ARID1A: variants seen among roughly 807,000 people sequenced by gnomAD.
ARID1A encodes AT-rich interactive domain-containing protein 1A.
In ARID1A, 20 loss-of-function variants were observed where a neutral mutation model predicts 212.6. That is an observed-to-expected ratio of 0.09 (90% CI 0.07 to 0.14). The LOEUF (loss-of-function observed/expected upper bound fraction) is 0.14, where lower values mean the gene tolerates loss of function less well. ARID1A is among the 10% of genes least tolerant of loss of function. ARID1A has a pLI of 1.00. For missense variants in ARID1A, 2,587 were observed against 3,059.0 expected (o/e 0.85, Z 3.64); for synonymous variants, 1,376 against 1,222.1 (o/e 1.13, Z -2.63).
chr1:26,711,925 C>T (rs998607777), intron 1 of ARID1A, among the ~76,000 whole-genome samples: 1 of 151,138 alleles, frequency 6.6e-6, no homozygotes, highest in Admixed American at 6.6e-5. Context: ...TCTACAAAAA[C>T]AAAAAAATCA....
intron 1 of ARID1A, among the ~76,000 whole-genome samples, chr1:26,726,095 T>G (rs2080614883): frequency 1.3e-5 from 2 of 152,028 alleles, no homozygotes; most frequent in Non-Finnish European, 2.9e-5. Context: ...CCTCAAGTGA[T>G]TCACCTGCCT....
At chr1:26,747,820 A>G (rs1397521653) in intron 4 of ARID1A, among the ~76,000 whole-genome samples, 2 of 152,176 alleles carry the variant, frequency 1.3e-5, no homozygotes, top group Admixed American at 6.5e-5. Flanking sequence ...ACTGCACTCC[A>G]GCCTGGGTGA....
At chr1:26,754,231 T>C (rs2080909196) in intron 4 of ARID1A, among the ~76,000 whole-genome samples, 1 of 152,184 alleles carries the variant, frequency 6.6e-6, no homozygotes, top group African/African-American at 2.4e-5. Flanking sequence ...AACTGGCTTT[T>C]TGTAGAGTAG....
At chr1:26,757,648 A>ATAAC (rs901236934) in intron 4 of ARID1A, among the ~76,000 whole-genome samples, 10 of 152,104 alleles carry the variant, frequency 6.6e-5, no homozygotes, top group African/African-American at 2.2e-4. Context: ...TTTTACTTGT[A>ATAAC]TAAAGACAAA....
chr1:26,755,044 G>T (rs2124031922), intron 4 of ARID1A, among the ~76,000 whole-genome samples: 1 of 152,292 alleles, frequency 6.6e-6, no homozygotes, highest in Non-Finnish European at 1.5e-5. Flanking sequence ...AGGAGACAGA[G>T]GTTGCAGTGA....
At position 26,773,843 on chromosome 1, in the gene ARID1A, C is replaced by T; in HGVS notation, c.4046C>T (p.Pro1349Leu). 1.2e-6 allele frequency: 2 copies of T among 1,614,224 alleles called. No individual in the cohort carries two copies. The highest frequency in any genetic ancestry group is 2.2e-5 in the South Asian group (2 of 91,084). Residue 1349 changes from proline to leucine, a missense_variant, in exon 17 of 20, where the codon CCT becomes CTT. This residue lies in a region of ARID1A where 890 missense variants were observed against 1,098.2 expected (regional missense o/e 0.81). Transcript: ENST00000324856. ...AATCAGTTCTCCACCCAAGGCACCC[C>T]TTCTGGCAGCCCCTTCCCCAGCCAG... ...YGNQFSTQGT[P>L]SGSPFPSQQT...
intron 1 of ARID1A, among the ~76,000 whole-genome samples, chr1:26,712,592 G>C (rs1184272900): frequency 6.6e-6 from 1 of 152,186 alleles, no homozygotes; most frequent in Admixed American, 6.5e-5. Flanking sequence ...TTGAGAGGCT[G>C]AGGCAGGAGG....
At chr1:26,775,483 T>TTA in intron 18 of ARID1A, 94 bp from the exon 19 acceptor site, 3 of 1,539,904 alleles carry the variant, frequency 1.9e-6, no homozygotes, top group Non-Finnish European at 2.6e-6. Context: ...CCACCTTGTG[T>TTA]TATCTTCAGA....
chr1:26,713,499 C>T (rs1339334401), intron 1 of ARID1A, among the ~76,000 whole-genome samples: 1 of 151,932 alleles, frequency 6.6e-6, no homozygotes, highest in Non-Finnish European at 1.5e-5. Context: ...GCTGGGACTA[C>T]AGGCGCCCAC....
At position 26,779,531 on chromosome 1, in the gene ARID1A, C is replaced by T. The variant is rs758044018; in HGVS notation, c.5633C>T (p.Pro1878Leu). 22 of 1,614,014 alleles carry T rather than the reference C, an allele frequency of 1.4e-5. No individual in the cohort carries two copies. Among genetic ancestry groups the T allele is most frequent in the African/African-American group, 2.7e-5 (2 of 74,900 alleles). The change falls in exon 20 of 20, where the codon CCT becomes CTT. Residue 1878 changes from proline to leucine, a missense_variant. Around this residue, in one of 11 missense-constraint regions of ARID1A, gnomAD observed 890 missense variants for 1,098.2 expected, o/e 0.81. Transcript: ENST00000324856. ...SRPHAPCPPA[P>L]RKHVTTAEGT... ...CCTCACGCACCCTGCCCACCAGCCC[C>T]TCGGAAGCATGTGACAACAGCAGAG...
intron 1 of ARID1A, among the ~76,000 whole-genome samples, chr1:26,701,087 T>C (rs1188721626): frequency 6.6e-6 from 1 of 152,218 alleles, no homozygotes; most frequent in East Asian, 1.9e-4. Flanking sequence ...TTGGATTGAC[T>C]CCTGTAGGTG....
At position 26,697,288 on chromosome 1, in the gene ARID1A, C is replaced by T; in HGVS notation, c.885C>T (p.Leu295=). The change falls in exon 1 of 20, where the codon CTC becomes CTT. Residue 295 remains leucine, a synonymous_variant. Transcript: ENST00000324856. The part of the protein sequence containing the change: ...GTPQPTATPT[L]NQLLTSPSSA... Reference sequence around the variant, plus strand: ...CCCAGCCCACCGCCACCCCCACCCTCAACCAACTGCTCACGTCGCCCAGCT... The same window carrying T: ...CCCAGCCCACCGCCACCCCCACCCTTAACCAACTGCTCACGTCGCCCAGCT... 7.3e-7 allele frequency: 1 copy of T among 1,361,510 alleles called. No individual in the cohort carries two copies. The highest frequency in any genetic ancestry group is 9.4e-7 in the Non-Finnish European group (1 of 1,063,770). 84.3% of individuals were successfully genotyped at this position (1,361,510 alleles called of 1,614,324 possible).
chr1:26,705,942 A>G (rs1360586145), intron 1 of ARID1A, among the ~76,000 whole-genome samples: 4 of 152,202 alleles, frequency 2.6e-5, no homozygotes, highest in Non-Finnish European at 4.4e-5. Flanking sequence ...CATGCTGCAG[A>G]GTAGGAAATT....
intron 1 of ARID1A, among the ~76,000 whole-genome samples, chr1:26,709,476 T>G (rs2080428242): frequency 1.3e-5 from 2 of 152,150 alleles, no homozygotes; most frequent in African/African-American, 4.8e-5. Context: ...ATGGAAGTTC[T>G]CAACAGCACC....
rs375634075 is a variant in ARID1A, at chr1:26,772,475, A to G, written c.3407-25A>G. The G allele has an allele frequency of 2.8e-5, 45 of 1,613,978 alleles. 1 individual carries two copies. The African/African-American group carries it at 3.1e-4, about 11-fold the overall frequency. ...TAAACACTGTCATGCCAAGCAAACT[A>G]CTCAACTTGTATCTCTGTCCACAGC... On this transcript the variant is annotated intron_variant, in intron 12 of 19. Coordinates refer to ENST00000324856, the MANE Select transcript of ARID1A (RefSeq NM_006015.6).
At chr1:26,735,601 G>T (rs1410888087) in intron 4 of ARID1A, among the ~76,000 whole-genome samples, 2 of 152,050 alleles carry the variant, frequency 1.3e-5, no homozygotes, top group Non-Finnish European at 2.9e-5. Context: ...CTGAAATCCA[G>T]AATCTTTAAT....
intron 1 of ARID1A, among the ~76,000 whole-genome samples, chr1:26,726,433 C>T (rs984680232): frequency 6.6e-6 from 1 of 152,080 alleles, no homozygotes; most frequent in African/African-American, 2.4e-5. Flanking sequence ...CCTTGGCCTC[C>T]CAAAGTGCTG....
chr1:26,769,353 G>A (rs1027560876), intron 11 of ARID1A: 1 of 152,248 alleles, frequency 6.6e-6, no homozygotes. Context: ...TAAAGGCAGT[G>A]ATAATTCAGG....
chr1:26,742,326 C>T (rs1376279447), intron 4 of ARID1A, among the ~76,000 whole-genome samples: 1 of 152,132 alleles, frequency 6.6e-6, no homozygotes, highest in African/African-American at 2.4e-5. Context: ...ATAGGACCTG[C>T]TTGGAGGAAC....
Sources: allele counts gnomAD v4.1 joint callset (sites outside exome capture counted in the v4.1 genomes callset), GRCh38; gene constraint gnomAD v4.1.1; regional missense constraint gnomAD v4.1.1; transcripts MANE v1.5; gene names NCBI Gene and HGNC (gene_info 2026-07-23, HGNC 2026-07-21).